The following C4BPA variants were observed in gnomAD, a reference collection of about 807,000 sequenced individuals.
The protein encoded by C4BPA is complement component 4 binding protein alpha, also known as C4b-binding protein alpha chain.
A neutral mutation model predicts 63.7 loss-of-function variants in C4BPA; 31 were observed. The ratio of observed to expected loss-of-function variants is 0.49; its 90% CI spans 0.37 to 0.66. C4BPA has a LOEUF of 0.66. Among genes scored for constraint, C4BPA ranks in the 30% least tolerant of loss-of-function variants. C4BPA has a pLI of 0.00. For missense variants in C4BPA, 572 were observed against 723.3 expected (o/e 0.79, Z 2.40); for synonymous variants, 259 against 254.7 (o/e 1.02, Z -0.16).
At chr1:207,134,833 T>G (rs1685244943) in intron 9 of C4BPA, among the ~76,000 whole-genome samples, 1 of 152,220 alleles carries the variant, frequency 6.6e-6, no homozygotes, top group Non-Finnish European at 1.5e-5. Context: ...CTTTTCAAGT[T>G]ATGTGTTTTT....
intron 9 of C4BPA, among the ~76,000 whole-genome samples, chr1:207,138,155 G>A (rs187341167): frequency 3.3e-5 from 5 of 152,254 alleles, no homozygotes; most frequent in Non-Finnish European, 7.4e-5. Context: ...TTCCCCATCC[G>A]GACAGTTTGG....
At chr1:207,131,521 C>A in intron 7 of C4BPA, 25 bp from the exon 8 acceptor site, 1 of 1,305,942 alleles carries the variant, frequency 7.7e-7, no homozygotes, top group Non-Finnish European at 1.1e-6. Flanking sequence ...TCCTTTTGTT[C>A]TTCTTCTTCT....
intron 8 of C4BPA, among the ~76,000 whole-genome samples, chr1:207,133,828 A>C (rs184978046): frequency 6.6e-6 from 1 of 152,278 alleles, no homozygotes; most frequent in Non-Finnish European, 1.5e-5. Context: ...CAGTAATTTA[A>C]ATTTTTTCGT....
At position 207,126,769 on chromosome 1, in the gene C4BPA, C is replaced by T; in HGVS notation, c.763C>T (p.Pro255Ser). The part of the protein sequence containing the change: ...SHGEMVSGFG[P>S]IYNYKDTIVF... ...TGGGGAAATGGTCTCTGGATTTGGA[C>T]CCATCTATAATTACAAAGACACTAT... Residue 255 changes from proline to serine, a missense_variant, in exon 7 of 12, where the codon CCC (proline) becomes TCC (serine). Physicochemically the swap from Pro to Ser is moderately conservative, Grantham distance 74. Around this residue, in one of 2 missense-constraint regions of C4BPA, gnomAD observed 465 missense variants for 629.4 expected, o/e 0.74. Coordinates refer to ENST00000367070, the MANE Select transcript of C4BPA (RefSeq NM_000715.4). The T allele has an allele frequency of 6.2e-7, 1 of 1,612,178 alleles. No homozygotes were observed. Among genetic ancestry groups the T allele is most frequent in the Non-Finnish European group, 8.5e-7 (1 of 1,178,806 alleles).
Position 207,114,303 on chromosome 1 carries a change from T to C in C4BPA, c.328+18T>C, listed in dbSNP as rs1684735039. 27 of 1,562,158 alleles carry C rather than the reference T, an allele frequency of 1.7e-5. No individual in the cohort carries two copies. The highest frequency in any genetic ancestry group is 2.3e-5 in the Non-Finnish European group (27 of 1,151,250). ...CTGTATCTGTAAGTATCAACATTTA[T>C]TTTTTTCCTTTGCTTTTCCTATCTT... is the stretch of plus-strand genomic sequence containing the variant. On this transcript the variant is annotated intron_variant, in intron 3 of 11. Transcript: ENST00000367070.
Position 207,111,300 on chromosome 1 carries a change from C to A in C4BPA, c.-25-1701C>A, listed in dbSNP as rs12069462. Reference sequence around the variant, plus strand: ...GGCTCCTCCCAACCTCTCTAGACCACCTGGATTCATTCAGTACAAAGTCTG... The same window carrying A: ...GGCTCCTCCCAACCTCTCTAGACCAACTGGATTCATTCAGTACAAAGTCTG... On this transcript the variant is annotated intron_variant, in intron 1 of 11. Transcript: ENST00000367070. Among the ~76,000 whole-genome samples, 442 of 152,320 alleles carry A rather than the reference C, an allele frequency of 2.9e-3. 4 individuals are homozygous for A. The highest frequency in any genetic ancestry group is 9.9e-3 in the African/African-American group (412 of 41,574).
chr1:207,115,569 T>G (rs1377063429), intron 4 of C4BPA, 54 bp downstream of exon 4: 17 of 979,960 alleles, frequency 1.7e-5, no homozygotes, highest in Admixed American at 2.8e-5. Context: ...AAAAAATAGC[T>G]GAAGTGTTCG....
intron 4 of C4BPA, among the ~76,000 whole-genome samples, chr1:207,121,526 G>A (rs775877741): frequency 2.0e-5 from 3 of 151,966 alleles, no homozygotes; most frequent in Non-Finnish European, 2.9e-5. Context: ...TTTGTCTCCT[G>A]TATATAACAG....
At chr1:207,144,481 T>C in intron 11 of C4BPA, 63 bp from the exon 12 acceptor site, 2 of 1,437,978 alleles carry the variant, frequency 1.4e-6, no homozygotes, top group Non-Finnish European at 1.9e-6. Flanking sequence ...ACTGTCAGGA[T>C]CCACCCTCCT....
intron 9 of C4BPA, among the ~76,000 whole-genome samples, chr1:207,139,011 A>T (rs1400225984): frequency 6.6e-6 from 1 of 152,172 alleles, no homozygotes; most frequent in African/African-American, 2.4e-5. Flanking sequence ...GATCAATGTC[A>T]TGTTCTGTGG....
At chr1:207,128,979 T>C (rs1685106485) in intron 7 of C4BPA, among the ~76,000 whole-genome samples, 1 of 152,050 alleles carries the variant, frequency 6.6e-6, no homozygotes, top group Admixed American at 6.6e-5. Context: ...AGCAGGAAAG[T>C]TCAAAGAATC....
In C4BPA at chr1:207,114,289, A is replaced by G. The variant is rs375229033; in HGVS notation, c.328+4A>G. The G allele has an allele frequency of 7.3e-5, 116 of 1,588,312 alleles. No individual in the cohort carries two copies. The highest frequency in any genetic ancestry group is 8.9e-5 in the Non-Finnish European group (104 of 1,168,126). On this transcript the variant is annotated splice_donor_region_variant and intron_variant, in intron 3 of 11. Transcript: ENST00000367070. ...GTGTATAACACCTTCTGTATCTGTA[A>G]GTATCAACATTTATTTTTTTCCTTT...
rs1685054097 is a variant in C4BPA at position 207,126,810 on chromosome 1, A to C, written c.804A>C (p.Gln268His). 4.3e-5 allele frequency: 69 copies of C among 1,613,452 alleles called. No homozygotes were observed. The highest frequency in any genetic ancestry group is 5.8e-5 in the Non-Finnish European group (69 of 1,179,594). ...NYKDTIVFKCQKGFVLRGSSV... is the reference protein window; with the variant it reads ...NYKDTIVFKCHKGFVLRGSSV... ...AAGACACTATTGTGTTTAAGTGCCA[A>C]AAAGGTTTTGTTCTCAGAGGCAGCA... Residue 268 changes from glutamine (Q) to histidine (H), a missense_variant, in exon 7 of 12, where the codon CAA (glutamine) becomes CAC (histidine). Gln to His is a conservative substitution (Grantham distance 24, BLOSUM62 0). Transcript: ENST00000367070.
chr1:207,128,581 C>A (rs1184873669), intron 7 of C4BPA, among the ~76,000 whole-genome samples: 1 of 152,130 alleles, frequency 6.6e-6, no homozygotes, highest in Non-Finnish European at 1.5e-5. Flanking sequence ...GTAATACCAA[C>A]AGAGGTAGAC....
chr1:207,138,411 G>A (rs1685340586), intron 9 of C4BPA, among the ~76,000 whole-genome samples: 1 of 152,198 alleles, frequency 6.6e-6, no homozygotes, highest in African/African-American at 2.4e-5. Flanking sequence ...ATCACTTGAT[G>A]ACCCAATGTT....
chr1:207,144,613 G>T lies in C4BPA; in HGVS notation c.1690G>T (p.Asp564Tyr), dbSNP rs780351641. The T allele has an allele frequency of 6.2e-7, 1 of 1,613,464 alleles. No individual in the cohort carries two copies. Residue 564 changes from aspartate (D) to tyrosine (Y), a missense_variant, in exon 12 of 12, where the codon GAT becomes TAT. This residue lies in a region of C4BPA where 465 missense variants were observed against 629.4 expected (regional missense o/e 0.74). Coordinates refer to ENST00000367070, the MANE Select transcript of C4BPA (RefSeq NM_000715.4). ...CATGCAGTGTCTCCCAAACCCAGAG[G>T]ATGTGAAAATGGCCCTGGAGGTATA... Reference protein sequence around the residue: ...RLMQCLPNPEDVKMALEVYKL... With the variant: ...RLMQCLPNPEYVKMALEVYKL...
At chr1:207,124,433 T>C (rs1572786169) in intron 6 of C4BPA, 67 bp downstream of exon 6, 1 of 1,256,462 alleles carries the variant, frequency 8.0e-7, no homozygotes, top group East Asian at 2.3e-5. Flanking sequence ...GAAAGAAAGG[T>C]AAATTTATTG....
chr1:207,141,841 C>T (rs917770349), intron 10 of C4BPA, among the ~76,000 whole-genome samples: 5 of 152,098 alleles, frequency 3.3e-5, no homozygotes, highest in African/African-American at 1.2e-4. Flanking sequence ...TGTCAACATG[C>T]ATGACTTTGC....
chr1:207,116,874 C>T (rs1397369656), intron 4 of C4BPA, among the ~76,000 whole-genome samples: 1 of 152,004 alleles, frequency 6.6e-6, no homozygotes, highest in Non-Finnish European at 1.5e-5. Flanking sequence ...AAAAGTTTGC[C>T]TTTACTGATT....
Sources: allele counts gnomAD v4.1 joint callset (sites outside exome capture counted in the v4.1 genomes callset), GRCh38; gene constraint gnomAD v4.1.1; regional missense constraint gnomAD v4.1.1; transcripts MANE v1.5; gene names NCBI Gene and HGNC (gene_info 2026-07-23, HGNC 2026-07-21).